Variants in FGF14 observed in about 807,000 individuals in gnomAD.
FGF14 encodes fibroblast growth factor homologous factor 4.
Under a neutral mutation model 25.5 loss-of-function variants are expected in FGF14, and 5 were observed. The observed-to-expected ratio is 0.20, with a 90% CI of 0.10 to 0.41. The LOEUF (loss-of-function observed/expected upper bound fraction) is 0.41. Ranked by LOEUF, FGF14 falls within the 10% of genes least tolerant of loss-of-function variation. The pLI is 1.00. For synonymous variants in FGF14, 138 were observed against 118.3 expected, an observed-to-expected ratio of 1.17 and a Z score of -1.08; for missense variants, 222 against 320.1, an observed-to-expected ratio of 0.69 and a Z score of 2.34.
intron 1 of FGF14, among the ~76,000 whole-genome samples, chr13:102,146,486 C>T (rs190523191): frequency 3.3e-5 from 5 of 152,236 alleles, no homozygotes; most frequent in Admixed American, 3.3e-4. Flanking sequence ...ATTCGTTCAA[C>T]CAATACTTTT....
chr13:102,003,505 T>A (rs1235986467), intron 1 of FGF14, among the ~76,000 whole-genome samples: 1 of 152,170 alleles, frequency 6.6e-6, no homozygotes, highest in African/African-American at 2.4e-5. Context: ...ACTATTTCTA[T>A]GGGAATACAA....
At position 102,365,424 on chromosome 13, in the gene FGF14, G is replaced by T. The variant is rs562186833; in HGVS notation, c.208+36047C>A. Among the ~76,000 whole-genome samples, 6 of 152,178 alleles carry T rather than the reference G, an allele frequency of 3.9e-5. No individual in the cohort carries two copies. In the South Asian group the frequency reaches 1.2e-3, roughly 32 times the overall value. ...AAATCAATTAGAATTCTTTGAGCCGGTTTCTTCATTTACAAAACGGCGATA... is the reference window on the plus strand; with the variant it reads ...AAATCAATTAGAATTCTTTGAGCCGTTTTCTTCATTTACAAAACGGCGATA... On this transcript the variant is annotated intron_variant, in intron 1 of 4. Transcript: ENST00000376131.
intron 1 of FGF14, chr13:102,395,107 G>A (rs2058547948): frequency 6.6e-6 from 1 of 152,274 alleles, no homozygotes; most frequent in South Asian, 2.1e-4. Flanking sequence ...GAAGATTACT[G>A]CTTTTCAAAC....
Position 102,400,116 on chromosome 13 carries a change from C to G in FGF14, c.208+1355G>C, listed in dbSNP as rs1416812280. 6.6e-6 allele frequency among the ~76,000 whole-genome samples: 1 copy of G among 152,110 alleles called. No homozygotes were observed. Among genetic ancestry groups the G allele is most frequent in the Non-Finnish European group, 1.5e-5 (1 of 67,978 alleles). On this transcript the variant is annotated intron_variant, in intron 1 of 4. Coordinates refer to the FGF14 transcript ENST00000376131. This position sits in a 1 kb window ranked among gnomAD's most constrained non-coding sequence, Gnocchi z 4.3. Reference sequence around the variant, plus strand: ...CCCGCAGGCGGCAGACCCCTCGGAGCGCGCCACCCCAGCTACGTTGCATTG... The same window carrying G: ...CCCGCAGGCGGCAGACCCCTCGGAGGGCGCCACCCCAGCTACGTTGCATTG...
intron 1 of FGF14, among the ~76,000 whole-genome samples, chr13:102,096,927 CT>C (rs1339645244): frequency 2.6e-5 from 4 of 152,186 alleles, no homozygotes; most frequent in Non-Finnish European, 4.4e-5. Flanking sequence ...TTTATGACCA[CT>C]GTCAGCCACT....
chr13:101,756,553 T>G (rs1483247997), intron 3 of FGF14, among the ~76,000 whole-genome samples: 2 of 152,092 alleles, frequency 1.3e-5, no homozygotes, highest in Non-Finnish European at 2.9e-5. Context: ...GCCAACATGG[T>G]GAAACCCCGT....
chr13:101,754,770 G>C (rs995937610), intron 3 of FGF14, among the ~76,000 whole-genome samples: 2 of 152,014 alleles, frequency 1.3e-5, no homozygotes, highest in African/African-American at 2.4e-5. Context: ...AAAAATAGTT[G>C]AACAGTTCCT....
chr13:101,769,345 T>C (rs1012137923), intron 3 of FGF14, among the ~76,000 whole-genome samples: 2 of 121,716 alleles, frequency 1.6e-5, no homozygotes, highest in African/African-American at 5.6e-5. Context: ...CATTCACTGC[T>C]GGTGGGAATA....
Position 101,827,264 on chromosome 13 carries a change from A to T in FGF14, c.408+41461T>A, listed in dbSNP as rs897938030. On this transcript the variant is annotated intron_variant, in intron 3 of 4. Transcript: ENST00000376143. ...AAATGCAGATAGCTTGGTGTAAATAACCTTCTTTATATTTACAATGCACAT... is the reference window on the plus strand; with the variant it reads ...AAATGCAGATAGCTTGGTGTAAATATCCTTCTTTATATTTACAATGCACAT... 3.3e-5 allele frequency among the ~76,000 whole-genome samples: 5 copies of T among 151,976 alleles called. 1 individual carries two copies. The highest frequency in any genetic ancestry group is 4.4e-5 in the Non-Finnish European group (3 of 67,890).
chr13:102,266,024 A>T (rs1379064273), intron 1 of FGF14, among the ~76,000 whole-genome samples: 1 of 152,138 alleles, frequency 6.6e-6, no homozygotes, highest in Non-Finnish European at 1.5e-5. Flanking sequence ...CCACAAAAAA[A>T]GACTAAGAAG....
chr13:102,196,020 T>C (rs2049335765), intron 1 of FGF14, among the ~76,000 whole-genome samples: 1 of 152,200 alleles, frequency 6.6e-6, no homozygotes, highest in South Asian at 2.1e-4. Flanking sequence ...AATCCACAAA[T>C]GTCTCTTTGG....
chr13:102,099,004 G>A (rs866202745), intron 1 of FGF14, among the ~76,000 whole-genome samples: 5 of 152,272 alleles, frequency 3.3e-5, no homozygotes, highest in Middle Eastern at 6.8e-3. Context: ...TGTGAAGCAG[G>A]CAGGAAGGAA....
intron 3 of FGF14, among the ~76,000 whole-genome samples, chr13:101,849,209 C>T (rs2043620146): frequency 6.6e-6 from 1 of 152,036 alleles, no homozygotes; most frequent in African/African-American, 2.4e-5. Flanking sequence ...GTAGTTTCTG[C>T]TGACTCCTGA....
At chr13:102,246,751 C>CATATATAT (rs34759741) in intron 1 of FGF14, among the ~76,000 whole-genome samples, 75 of 148,182 alleles carry the variant, frequency 5.1e-4, no homozygotes, top group Non-Finnish European at 8.2e-4. Flanking sequence ...TTATATGGAA[C>CATATATAT]ATATATATAT....
At chr13:102,111,783 A>G (rs2140324722) in intron 1 of FGF14, among the ~76,000 whole-genome samples, 1 of 151,562 alleles carries the variant, frequency 6.6e-6, no homozygotes, top group Middle Eastern at 3.4e-3. Flanking sequence ...CAAACAAAAA[A>G]AAAAAAAACC....
chr13:101,725,697 A>T (rs2139682601), intron 4 of FGF14, among the ~76,000 whole-genome samples: 1 of 152,212 alleles, frequency 6.6e-6, no homozygotes, highest in East Asian at 1.9e-4. Context: ...AAGAAAATTG[A>T]GCTGTCCAAG....
At chr13:102,326,126 C>A (rs1458242420) in intron 1 of FGF14, among the ~76,000 whole-genome samples, 1 of 152,090 alleles carries the variant, frequency 6.6e-6, no homozygotes, top group African/African-American at 2.4e-5. Context: ...TAAAGCATAA[C>A]CTCAAATAAT....
rs187629398 is a variant in FGF14 at position 101,972,349 on chromosome 13, T to A, written c.209-97053A>T. 8.1e-3 allele frequency among the ~76,000 whole-genome samples: 1,230 copies of A among 152,300 alleles called. 6 individuals are homozygous for A. Among genetic ancestry groups the A allele is most frequent in the Non-Finnish European group, 0.014 (922 of 68,024 alleles). On this transcript the variant is annotated intron_variant, in intron 1 of 4. Coordinates refer to the FGF14 transcript ENST00000376131. The stretch of plus-strand genomic sequence containing the variant: ...TTTCAAAGCAGCCAACTGAAAACAT[T>A]AAAATAAATACAAAGGTCTCATTTT...
chr13:102,145,208 T>G (rs1265505050), intron 1 of FGF14, among the ~76,000 whole-genome samples: 1 of 152,212 alleles, frequency 6.6e-6, no homozygotes, highest in South Asian at 2.1e-4. Flanking sequence ...TGATTTCTAA[T>G]TAAGTTATGA....
Sources: allele counts gnomAD v4.1 joint callset (sites outside exome capture counted in the v4.1 genomes callset), GRCh38; gene constraint gnomAD v4.1.1; non-coding constraint Gnocchi (gnomAD v3.1); transcripts MANE v1.5; gene names NCBI Gene and HGNC (gene_info 2026-07-23, HGNC 2026-07-21).